Variants in VTI1A observed in about 807,000 individuals in gnomAD.
VTI1A encodes the protein vesicle transport through interaction with t-SNAREs homolog 1A.
A neutral mutation model predicts 34.9 loss-of-function variants in VTI1A; 22 were observed. The observed-to-expected ratio is 0.63, with a 90% CI of 0.45 to 0.90. VTI1A has a LOEUF of 0.90. VTI1A is among the 40% of genes least tolerant of loss of function. The pLI is 0.00. For synonymous variants in VTI1A, 87 were observed against 97.3 expected (o/e 0.89, Z 0.62); for missense variants, 268 against 275.6 (o/e 0.97, Z 0.20).
At chr10:112,716,425 A>G (rs1336807562) in intron 7 of VTI1A, among the ~76,000 whole-genome samples, 1 of 152,184 alleles carries the variant, frequency 6.6e-6, no homozygotes, top group Non-Finnish European at 1.5e-5. Flanking sequence ...TAGTGAGAAG[A>G]CATAACTAAG....
At chr10:112,667,073 C>T (rs1025116789) in intron 5 of VTI1A, among the ~76,000 whole-genome samples, 2 of 149,040 alleles carry the variant, frequency 1.3e-5, no homozygotes, top group African/African-American at 4.9e-5. Flanking sequence ...TTTAGGGTGT[C>T]CTTTAAAAAA....
At chr10:112,498,557 G>A (rs1340743516) in intron 3 of VTI1A, among the ~76,000 whole-genome samples, 1 of 151,864 alleles carries the variant, frequency 6.6e-6, no homozygotes, top group Non-Finnish European at 1.5e-5. Context: ...TTTATAAAAT[G>A]TGCTGTGACT....
intron 5 of VTI1A, among the ~76,000 whole-genome samples, chr10:112,610,761 A>G (rs1404712271): frequency 6.6e-6 from 1 of 151,846 alleles, no homozygotes; most frequent in Non-Finnish European, 1.5e-5. Context: ...CTAAAAATAC[A>G]CAAAAAAACT....
intron 3 of VTI1A, among the ~76,000 whole-genome samples, chr10:112,516,517 T>G (rs1849786784): frequency 6.6e-6 from 1 of 152,114 alleles, no homozygotes; most frequent in Non-Finnish European, 1.5e-5. Context: ...GTATCTCCTT[T>G]TCTGCCCAAA....
chr10:112,586,371 T>C (rs980429013), intron 5 of VTI1A, among the ~76,000 whole-genome samples: 4 of 152,146 alleles, frequency 2.6e-5, no homozygotes, highest in Non-Finnish European at 4.4e-5. Flanking sequence ...GCCAATAAAA[T>C]AGCTAATTAT....
At chr10:112,617,283 C>T (rs1845543828) in intron 5 of VTI1A, among the ~76,000 whole-genome samples, 1 of 152,168 alleles carries the variant, frequency 6.6e-6, no homozygotes. Flanking sequence ...GTCTTCTCAA[C>T]ATTGTGTCTT....
chr10:112,611,199 A>G (rs879746918), intron 5 of VTI1A, among the ~76,000 whole-genome samples: 2 of 152,216 alleles, frequency 1.3e-5, no homozygotes, highest in Non-Finnish European at 2.9e-5. Context: ...CTGTGGCCAA[A>G]GTCCAGCGGT....
chr10:112,572,815 G>A, intron 5 of VTI1A, among the ~76,000 whole-genome samples: 1 of 150,230 alleles, frequency 6.7e-6, no homozygotes, highest in East Asian at 2.0e-4. Context: ...CTCCAGACTG[G>A]GCGACAGAGC....
intron 2 of VTI1A, among the ~76,000 whole-genome samples, chr10:112,462,247 C>T (rs1847751770): frequency 6.6e-6 from 1 of 152,202 alleles, no homozygotes; most frequent in Non-Finnish European, 1.5e-5. Flanking sequence ...TTGTATTAGT[C>T]TCTTGGACAC....
chr10:112,490,909 G>A (rs999343192), intron 3 of VTI1A, among the ~76,000 whole-genome samples: 9 of 152,054 alleles, frequency 5.9e-5, no homozygotes, highest in African/African-American at 1.9e-4. Flanking sequence ...ACTTAAAATA[G>A]GAACACAAAG....
intron 5 of VTI1A, among the ~76,000 whole-genome samples, chr10:112,539,586 A>G (rs1850784654): frequency 6.6e-6 from 1 of 152,170 alleles, no homozygotes; most frequent in Admixed American, 6.6e-5. Flanking sequence ...TTTAGAGGTG[A>G]CTGTTCTTGG....
intron 3 of VTI1A, among the ~76,000 whole-genome samples, chr10:112,484,513 T>C (rs1848552943): frequency 1.3e-5 from 2 of 152,226 alleles, no homozygotes; most frequent in African/African-American, 4.8e-5. Context: ...AGATTTTCTT[T>C]ACTTTCCATT....
intron 3 of VTI1A, among the ~76,000 whole-genome samples, chr10:112,495,224 TAA>T (rs141020491): frequency 1.3e-4 from 18 of 135,490 alleles, no homozygotes; most frequent in East Asian, 5.2e-4. Flanking sequence ...TTTTTTTAGT[TAA>T]AAAAAAATTT....
chr10:112,634,514 T>TACACACACACACACACACACACACAC (rs10545562), intron 5 of VTI1A, among the ~76,000 whole-genome samples: 1 of 144,226 alleles, frequency 6.9e-6, no homozygotes, highest in Non-Finnish European at 1.5e-5. Context: ...CACACACACA[T>TACACACACACACACACACACACACAC]ACACACACAC....
At chr10:112,697,520 C>G (rs954079750) in intron 7 of VTI1A, among the ~76,000 whole-genome samples, 9 of 151,826 alleles carry the variant, frequency 5.9e-5, no homozygotes, top group African/African-American at 1.9e-4. Flanking sequence ...CCTCAGCCTC[C>G]TGAGTAGCTG....
At position 112,687,280 on chromosome 10, in the gene VTI1A, C is replaced by T. The variant is rs902187276; in HGVS notation, c.560+18282C>T. The stretch of plus-strand genomic sequence containing the variant: ...ACGGAGTTTTGCTCTGTCTCCCAGG[C>T]CGGAGTGCAGTGGCGCGATCTCAGC... On this transcript the variant is annotated intron_variant, in intron 7 of 7. Transcript: ENST00000393077. 8.5e-5 allele frequency among the ~76,000 whole-genome samples: 11 copies of T among 129,736 alleles called. No homozygotes were observed. In the Admixed American group the frequency reaches 9.0e-4, roughly 11 times the overall value. 85.1% of individuals were successfully genotyped at this position (129,736 alleles called of 152,430 possible). A position where few individuals can be genotyped will look rare whatever the true frequency, so the allele number is the denominator to read the frequency against.
Position 112,710,883 on chromosome 10 carries a change from G to T in VTI1A, c.560+41885G>T, listed in dbSNP as rs1040330808. Among the ~76,000 whole-genome samples the T allele has an allele frequency of 2.6e-5, 4 of 152,150 alleles. No individual in the cohort carries two copies. In the East Asian group the frequency reaches 7.7e-4, roughly 29 times the overall value. On this transcript the variant is annotated intron_variant, in intron 7 of 7. Coordinates refer to ENST00000393077, the MANE Select transcript of VTI1A (RefSeq NM_145206.4). ...AATATTACATTCCAAATCAAATTCT[G>T]CCTCAAAAGAGCTATTCTTCCACAA...
intron 7 of VTI1A, among the ~76,000 whole-genome samples, chr10:112,775,262 C>A (rs1851928687): frequency 6.6e-6 from 1 of 152,186 alleles, no homozygotes; most frequent in African/African-American, 2.4e-5. Context: ...AGTACCACTG[C>A]AGTAGCAAAT....
intron 7 of VTI1A, among the ~76,000 whole-genome samples, chr10:112,703,560 C>T (rs972780216): frequency 1.3e-5 from 2 of 151,604 alleles, no homozygotes; most frequent in African/African-American, 4.9e-5. Flanking sequence ...GAGCAAAACT[C>T]TGTCTCAAAA....
Sources: gnomAD v4.1 joint callset for allele counts (sites outside exome capture counted in the v4.1 genomes callset) on GRCh38, gnomAD v4.1.1 for gene constraint, MANE v1.5 for transcripts, NCBI Gene and HGNC (gene_info 2026-07-23, HGNC 2026-07-21) for gene names.